The following ASB7 variants were observed in gnomAD, a reference collection of about 807,000 sequenced individuals.
ASB7 encodes the protein ankyrin repeat and SOCS box containing 7, also known as ankyrin repeat and SOCS box protein 7.
ASB7 carries 4 observed loss-of-function variants against 32.5 expected under a neutral mutation model. The observed-to-expected ratio is 0.12, with a 90% CI of 0.06 to 0.28. The LOEUF (loss-of-function observed/expected upper bound fraction) is 0.28. ASB7 is among the 10% of genes least tolerant of loss of function. The pLI is 1.00. For synonymous variants in ASB7, 172 were observed against 155.6 expected, an observed-to-expected ratio of 1.11 and a Z score of -0.78; for missense variants, 181 against 407.1, an observed-to-expected ratio of 0.44 and a Z score of 4.78.
intron 2 of ASB7, among the ~76,000 whole-genome samples, chr15:100,608,785 A>G (rs1177195271): frequency 6.6e-6 from 1 of 152,230 alleles, no homozygotes; most frequent in African/African-American, 2.4e-5. Flanking sequence ...AGGTTTGTCA[A>G]GGAAAAGTAG....
intron 3 of ASB7, among the ~76,000 whole-genome samples, chr15:100,610,309 A>G (rs2029699): frequency 0.31 from 46,382 of 151,706 alleles, 8,041 homozygotes; most frequent in East Asian, 0.63. Context: ...CCTGGCTAAC[A>G]CGGTGAAACC....
intron 5 of ASB7, among the ~76,000 whole-genome samples, chr15:100,643,550 C>T (rs1424480205): frequency 7.4e-5 from 10 of 135,808 alleles, no homozygotes; most frequent in South Asian, 2.3e-4. Context: ...AGTGCAGTGG[C>T]GCAATCTTGG....
intron 4 of ASB7, among the ~76,000 whole-genome samples, chr15:100,614,075 C>T (rs528223183): frequency 3.7e-4 from 56 of 152,172 alleles, no homozygotes; most frequent in Non-Finnish European, 5.9e-4. Flanking sequence ...GAGTTTGAGA[C>T]CAGCTTGGCC....
intron 2 of ASB7, among the ~76,000 whole-genome samples, chr15:100,606,278 G>T (rs1316793871): frequency 2.6e-5 from 4 of 151,940 alleles, no homozygotes; most frequent in Non-Finnish European, 5.9e-5. Context: ...ACTTTGCAAA[G>T]AAATGCTTAT....
intron 4 of ASB7, among the ~76,000 whole-genome samples, chr15:100,621,172 T>C (rs1465948085): frequency 6.6e-6 from 1 of 152,260 alleles, no homozygotes; most frequent in African/African-American, 2.4e-5. Context: ...GTAGTTTATC[T>C]TGCCAATATA....
At position 100,629,896 on chromosome 15, in the gene ASB7, G is replaced by C; in HGVS notation, c.671G>C (p.Arg224Thr). 6.2e-7 allele frequency: 1 copy of C among 1,614,216 alleles called. No homozygotes were observed. The highest frequency in any genetic ancestry group is 8.5e-7 in the Non-Finnish European group (1 of 1,180,040). ...GQTPLHLSAL[R>T]DDVLCARMLY... ...ACTCCTTTACACTTATCTGCCCTTA[G>C]GGATGATGTGCTGTGTGCACGGATG... is the stretch of plus-strand genomic sequence containing the variant. Residue 224 changes from arginine (R) to threonine (T), a missense_variant, in exon 5 of 6, where the codon AGG (arginine) becomes ACG (threonine). Coordinates refer to ENST00000332783, the MANE Select transcript of ASB7 (RefSeq NM_198243.3). The surrounding 1 kb of genome is among the most constrained non-coding windows in gnomAD (Gnocchi z 6.8).
rs114418847 is a variant in ASB7 at position 100,637,122 on chromosome 15, G to A, written c.817+7080G>A. On this transcript the variant is annotated intron_variant, in intron 5 of 5. Transcript: ENST00000332783. ...TTTAAATGTTCTGTGGGATGGAAAT[G>A]GCAAGCATTCTTACTGCGTACCAAA... 4.3e-3 allele frequency among the ~76,000 whole-genome samples: 661 copies of A among 152,356 alleles called. 6 individuals carry two copies. The highest frequency in any genetic ancestry group is 0.015 in the African/African-American group (634 of 41,584).
intron 4 of ASB7, among the ~76,000 whole-genome samples, chr15:100,627,135 C>T: frequency 6.6e-6 from 1 of 151,786 alleles, no homozygotes; most frequent in Non-Finnish European, 1.5e-5. Flanking sequence ...TTCTTTGCTT[C>T]TGTTTATATA....
At chr15:100,641,088 A>C (rs1254419208) in intron 5 of ASB7, among the ~76,000 whole-genome samples, 1 of 11,646 alleles carries the variant, frequency 8.6e-5, no homozygotes, top group South Asian at 6.8e-3. Flanking sequence ...GTAGTTTTCT[A>C]ACAGGGGAGG....
chr15:100,628,539 T>G (rs1288973376), intron 4 of ASB7, among the ~76,000 whole-genome samples: 1 of 152,194 alleles, frequency 6.6e-6, no homozygotes, highest in East Asian at 1.9e-4. Flanking sequence ...TGCTGACTTC[T>G]AGGAGGTGCC....
At chr15:100,642,939 G>A (rs764487491) in intron 5 of ASB7, among the ~76,000 whole-genome samples, 27 of 152,248 alleles carry the variant, frequency 1.8e-4, no homozygotes, top group Non-Finnish European at 4.0e-4. Context: ...TGGAGGCTGA[G>A]GCAGGAGAAT....
chr15:100,608,075 C>T (rs763564125), intron 2 of ASB7, among the ~76,000 whole-genome samples: 1 of 152,176 alleles, frequency 6.6e-6, no homozygotes, highest in Non-Finnish European at 1.5e-5. Flanking sequence ...GTAAGGGGTG[C>T]TGAGGACACA....
chr15:100,633,026 G>A lies in ASB7; in HGVS notation c.817+2984G>A, dbSNP rs571038063. Among the ~76,000 whole-genome samples, 9 of 152,056 alleles carry A rather than the reference G, an allele frequency of 5.9e-5. No homozygotes were observed. The East Asian group carries it at 1.4e-3, about 23-fold the overall frequency. On this transcript the variant is annotated intron_variant, in intron 5 of 5. Coordinates refer to ENST00000332783, the MANE Select transcript of ASB7 (RefSeq NM_198243.3). ...CCTCAGAACCTCCCCCTTCCAGGAC[G>A]TCAGGAGCGCAGCAGGGCCCATCCA...
At chr15:100,628,419 A>G (rs568391411) in intron 4 of ASB7, among the ~76,000 whole-genome samples, 1 of 152,334 alleles carries the variant, frequency 6.6e-6, no homozygotes, top group East Asian at 1.9e-4. Context: ...TGTGTAAAAC[A>G]TTAATGATTT....
Position 100,629,843 on chromosome 15 carries a change from A to G in ASB7, c.618A>G (p.Thr206=). ...TGTTCCTTCAGAGAGGGGCAGACACAAACTTGGGTCGCTTAGAAGACGGAC... is the reference window on the plus strand; with the variant it reads ...TGTTCCTTCAGAGAGGGGCAGACACGAACTTGGGTCGCTTAGAAGACGGAC... ...CRMFLQRGAD[T]NLGRLEDGQT... The change falls in exon 5 of 6, where the codon ACA becomes ACG. Residue 206 remains threonine (T), a synonymous_variant. Coordinates refer to ENST00000332783, the MANE Select transcript of ASB7 (RefSeq NM_198243.3). The surrounding 1 kb of genome is among the most constrained non-coding windows in gnomAD (Gnocchi z 6.8). The G allele has an allele frequency of 6.2e-7, 1 of 1,614,238 alleles. No homozygotes were observed.
intron 5 of ASB7, among the ~76,000 whole-genome samples, chr15:100,643,656 A>AT (rs1487579212): frequency 6.7e-6 from 1 of 149,942 alleles, no homozygotes; most frequent in African/African-American, 2.5e-5. Flanking sequence ...CGCCTGGCTA[A>AT]TTTTTTTTAT....
At chr15:100,621,983 A>G (rs1030358150) in intron 4 of ASB7, among the ~76,000 whole-genome samples, 1 of 152,126 alleles carries the variant, frequency 6.6e-6, no homozygotes, top group Non-Finnish European at 1.5e-5. Context: ...AAGGCATTCA[A>G]ATTGGAAAAG....
chr15:100,604,393 A>G (rs372230579), intron 2 of ASB7, among the ~76,000 whole-genome samples: 10 of 152,238 alleles, frequency 6.6e-5, no homozygotes, highest in African/African-American at 2.4e-4. Context: ...TAGCAAAAGT[A>G]TAAAGTGACT....
intron 5 of ASB7, chr15:100,645,612 G>T: frequency 1.2e-6 from 1 of 812,848 alleles, no homozygotes; most frequent in Non-Finnish European, 2.2e-6. Context: ...ATCTGCTGTG[G>T]TTCATGGGTA....
Sources: allele counts gnomAD v4.1 joint callset (sites outside exome capture counted in the v4.1 genomes callset), GRCh38; gene constraint gnomAD v4.1.1; non-coding constraint Gnocchi (gnomAD v3.1); transcripts MANE v1.5; gene names NCBI Gene and HGNC (gene_info 2026-07-23, HGNC 2026-07-21).